The following DYNC1LI2 variants were observed in gnomAD, a reference collection of about 807,000 sequenced individuals.
DYNC1LI2 encodes the protein dynein cytoplasmic 1 light intermediate chain 2.
A neutral mutation model predicts 57.8 loss-of-function variants in DYNC1LI2; 19 were observed. The observed-to-expected ratio is 0.33, with a 90% CI of 0.23 to 0.48. DYNC1LI2 has a LOEUF of 0.48. Ranked by LOEUF, DYNC1LI2 falls within the 20% of genes least tolerant of loss-of-function variation. The pLI, the probability that DYNC1LI2 is intolerant of heterozygous loss-of-function variation, is 0.99. For synonymous variants in DYNC1LI2, 256 were observed against 233.4 expected (o/e 1.10, Z -0.88); for missense variants, 470 against 604.2 (o/e 0.78, Z 2.33).
intron 7 of DYNC1LI2, 48 bp downstream of exon 7, chr16:66,732,291 T>C: frequency 6.3e-7 from 1 of 1,594,828 alleles, no homozygotes. Context: ...AAAAAGCAAA[T>C]GTACTTTAAA....
At chr16:66,729,148 A>G (rs1205518675) in intron 8 of DYNC1LI2, 49 bp from the exon 9 acceptor site, 1 of 1,603,544 alleles carries the variant, frequency 6.2e-7, no homozygotes. Flanking sequence ...AATACTCCTA[A>G]CCACTGTCAA....
chr16:66,721,837 T>A lies in DYNC1LI2; in HGVS notation c.*1885A>T, dbSNP rs942316144. 4.6e-5 allele frequency: 7 copies of A among 152,520 alleles called. No individual in the cohort carries two copies. The highest frequency in any genetic ancestry group is 1.7e-4 in the African/African-American group (7 of 41,456). The allele number at this position is 152,520 out of a possible 1,614,324, so 9.4% of individuals were successfully genotyped here. A position where few individuals can be genotyped will look rare whatever the true frequency, so the allele number is the denominator to read the frequency against. ...CCATATTCCTCTTCGGCATGTGCCT[T>A]TCCAGGAATTCTTGTTTCTGAGGTC... On this transcript the variant is annotated 3_prime_UTR_variant, in exon 13 of 13. Coordinates refer to ENST00000258198, the MANE Select transcript of DYNC1LI2 (RefSeq NM_006141.3).
At chr16:66,740,094 AAAC>A (rs1399714440) in intron 4 of DYNC1LI2, among the ~76,000 whole-genome samples, 2 of 152,164 alleles carry the variant, frequency 1.3e-5, no homozygotes, top group Non-Finnish European at 2.9e-5. Context: ...CCCATATATA[AAAC>A]AAGAAAGAGA....
At chr16:66,745,953 T>A (rs538453764) in intron 3 of DYNC1LI2, among the ~76,000 whole-genome samples, 31 of 152,112 alleles carry the variant, frequency 2.0e-4, no homozygotes, top group African/African-American at 7.5e-4. Context: ...CCAATCTTCC[T>A]CTTTTAGAAA....
intron 9 of DYNC1LI2, among the ~76,000 whole-genome samples, chr16:66,728,475 G>GA (rs2017575543): frequency 1.3e-5 from 2 of 152,110 alleles, no homozygotes; most frequent in African/African-American, 2.4e-5. Context: ...GGACAGAAAG[G>GA]AAAAAGATGG....
rs1191309461 is a variant in DYNC1LI2 at position 66,749,289 on chromosome 16, G to T, written c.206C>A (p.Thr69Asn). ...AGCTCCTTGTAGTTTAGTCATGAGGGTTGTTTTACCAGAACCATCTTCACC... is the reference window on the plus strand; with the variant it reads ...AGCTCCTTGTAGTTTAGTCATGAGGTTTGTTTTACCAGAACCATCTTCACC... ...VFGEDGSGKT[T>N]LMTKLQGAEH... The change falls in exon 3 of 13, where the codon ACC becomes AAC. Residue 69 changes from threonine (T) to asparagine (N), a missense_variant. Transcript: ENST00000258198. 6.2e-7 allele frequency: 1 copy of T among 1,614,188 alleles called. No homozygotes were observed. The highest frequency in any genetic ancestry group is 1.3e-5 in the African/African-American group (1 of 75,048).
rs896363450 is a variant in DYNC1LI2, at chr16:66,720,912, G to GT, written c.*2809dup. 2.6e-5 allele frequency: 4 copies of GT among 152,582 alleles called. No individual in the cohort carries two copies. The highest frequency in any genetic ancestry group is 2.6e-4 in the Admixed American group (4 of 15,260). The allele number at this position is 152,582 out of a possible 1,614,324, so 9.5% of individuals were successfully genotyped here. On this transcript the variant is annotated 3_prime_UTR_variant, in exon 13 of 13. Transcript: ENST00000258198. ...CAAAACTTGTAAGCAGTCTGGATTC[G>GT]TGTTTATTGAAGCCAGTAATTAGAG... is the stretch of plus-strand genomic sequence containing the variant.
At chr16:66,749,104 G>A (rs527509893) in intron 3 of DYNC1LI2, 93 bp downstream of exon 3, 1 of 1,225,318 alleles carries the variant, frequency 8.2e-7, no homozygotes, top group Non-Finnish European at 1.2e-6. Flanking sequence ...ACAGAAAACT[G>A]AGAATGCCTG....
intron 8 of DYNC1LI2, among the ~76,000 whole-genome samples, chr16:66,729,769 C>T (rs2017602443): frequency 6.6e-6 from 1 of 151,300 alleles, no homozygotes; most frequent in South Asian, 2.1e-4. Context: ...CATTAAAAAA[C>T]ACCTAAACCC....
intron 5 of DYNC1LI2, among the ~76,000 whole-genome samples, chr16:66,735,509 T>A (rs570480542): frequency 2.3e-4 from 35 of 152,126 alleles, no homozygotes; most frequent in South Asian, 6.2e-4. Flanking sequence ...TTCTTTTTTT[T>A]TTATTTTTAT....
chr16:66,742,282 A>G (rs779334307), intron 4 of DYNC1LI2, among the ~76,000 whole-genome samples, 156 bp downstream of exon 4: 1 of 152,228 alleles, frequency 6.6e-6, no homozygotes, highest in Non-Finnish European at 1.5e-5. Context: ...AATACTTTTG[A>G]CTACTGAGTT....
At position 66,751,340 on chromosome 16, in the gene DYNC1LI2, G is replaced by A. The variant is rs2018047808; in HGVS notation, c.114C>T (p.Ser38=). Reference sequence around the variant, plus strand: ...CGCGGGTGGACACTTCGCTCAGAATGGAGGACCTGTGGCGACAATGGCAAG... The same window carrying A: ...CGCGGGTGGACACTTCGCTCAGAATAGAGGACCTGTGGCGACAATGGCAAG... ...EEEEGQSLWS[S]ILSEVSTRAR... Residue 38 remains serine, a synonymous_variant, in exon 2 of 13, where the codon TCC becomes TCT. Coordinates refer to ENST00000258198, the MANE Select transcript of DYNC1LI2 (RefSeq NM_006141.3). This position sits in a 1 kb window ranked among gnomAD's most constrained non-coding sequence, Gnocchi z 5.2. 6.2e-7 allele frequency: 1 copy of A among 1,611,848 alleles called. No homozygotes were observed. Among genetic ancestry groups the A allele is most frequent in the Non-Finnish European group, 8.5e-7 (1 of 1,178,966 alleles).
intron 4 of DYNC1LI2, among the ~76,000 whole-genome samples, chr16:66,742,044 A>G (rs370405031): frequency 8.5e-5 from 13 of 152,244 alleles, no homozygotes; most frequent in Middle Eastern, 3.4e-3. Flanking sequence ...TAGGGCCTTA[A>G]TGGAATTCCA....
intron 2 of DYNC1LI2, among the ~76,000 whole-genome samples, chr16:66,750,285 A>C (rs1388741183): frequency 3.9e-5 from 6 of 152,200 alleles, no homozygotes; most frequent in Non-Finnish European, 8.8e-5. Context: ...ACACATTCTA[A>C]CAGTAGGAAA....
At chr16:66,750,807 G>T (rs1444179472) in intron 2 of DYNC1LI2, among the ~76,000 whole-genome samples, 2 of 152,132 alleles carry the variant, frequency 1.3e-5, no homozygotes, top group Admixed American at 6.6e-5. Context: ...TAGCATAATG[G>T]AGGAAACGTC....
intron 7 of DYNC1LI2, chr16:66,731,606 T>C (rs1026913642): frequency 6.6e-6 from 1 of 152,276 alleles, no homozygotes; most frequent in Non-Finnish European, 1.5e-5. Context: ...CTCTAGACAG[T>C]GCCATATGCA....
intron 4 of DYNC1LI2, among the ~76,000 whole-genome samples, chr16:66,741,555 C>G (rs973330641): frequency 6.6e-6 from 1 of 152,182 alleles, no homozygotes; most frequent in African/African-American, 2.4e-5. Flanking sequence ...CTGAACCATT[C>G]TGCCAGTAAG....
chr16:66,736,765 G>T (rs2017742661), intron 4 of DYNC1LI2, among the ~76,000 whole-genome samples: 1 of 152,092 alleles, frequency 6.6e-6, no homozygotes. Flanking sequence ...CAAAGTGCTG[G>T]GATTATGGGA....
intron 8 of DYNC1LI2, 56 bp from the exon 9 acceptor site, chr16:66,729,155 T>C: frequency 6.3e-7 from 1 of 1,594,916 alleles, no homozygotes; most frequent in African/African-American, 1.3e-5. Context: ...CTAACCACTG[T>C]CAAACTTCAT....
Sources: allele counts gnomAD v4.1 joint callset (sites outside exome capture counted in the v4.1 genomes callset), GRCh38; gene constraint gnomAD v4.1.1; non-coding constraint Gnocchi (gnomAD v3.1); transcripts MANE v1.5; gene names NCBI Gene and HGNC (gene_info 2026-07-23, HGNC 2026-07-21).